RLIM: variants seen among roughly 807,000 people sequenced by gnomAD.
The protein encoded by RLIM is E3 ubiquitin-protein ligase RLIM.
A neutral mutation model predicts 34.0 loss-of-function variants in RLIM; 2 were observed. The observed-to-expected ratio is 0.06, with a 90% CI of 0.02 to 0.19. RLIM has a LOEUF of 0.19. Ranked by LOEUF, RLIM falls within the 10% of genes least tolerant of loss-of-function variation. The pLI, the probability that RLIM is intolerant of heterozygous loss-of-function variation, is 1.00. For missense variants in RLIM, 286 were observed against 479.7 expected (o/e 0.60, Z 3.77); for synonymous variants, 169 against 164.0 (o/e 1.03, Z -0.23).
In RLIM at chrX:74,585,679, G is replaced by T. The variant is rs1931331982; in HGVS notation, c.*5761C>A. 8.9e-6 allele frequency: 1 copy of T among 112,144 alleles called. No individual in the cohort carries two copies. Among genetic ancestry groups the T allele is most frequent in the Admixed American group, 9.5e-5 (1 of 10,531 alleles). The allele number at this position is 112,144 out of a possible 1,213,427, so 9.2% of individuals were successfully genotyped here. On this transcript the variant is annotated 3_prime_UTR_variant, in exon 4 of 4. Coordinates refer to ENST00000332687, the MANE Select transcript of RLIM (RefSeq NM_016120.4). The stretch of plus-strand genomic sequence containing the variant: ...AGCAGTTGTAAAGCACTGTACAAAA[G>T]AAAACTGTGTACATTCTCAAAATTT...
intron 3 of RLIM, among the ~76,000 whole-genome samples, chrX:74,593,917 A>G (rs1002969799): frequency 2.7e-5 from 3 of 112,576 alleles, no homozygotes; most frequent in Admixed American, 1.9e-4. Context: ...AGACGTTGCT[A>G]ATGTCCCACA....
intron 1 of RLIM, among the ~76,000 whole-genome samples, chrX:74,602,973 T>C (rs2079667479): frequency 9.4e-6 from 1 of 106,721 alleles, no homozygotes; most frequent in Non-Finnish European, 1.9e-5. Flanking sequence ...TAAAACAATC[T>C]AACAAAATTG....
intron 1 of RLIM, among the ~76,000 whole-genome samples, chrX:74,596,652 T>C (rs2079641416): frequency 8.9e-6 from 1 of 112,209 alleles, no homozygotes; most frequent in Admixed American, 9.5e-5. Flanking sequence ...GTTCATAAAG[T>C]TTTATTGGAA....
In RLIM at chrX:74,590,686, A is replaced by G. The variant is rs2079608995; in HGVS notation, c.*754T>C. On this transcript the variant is annotated 3_prime_UTR_variant, in exon 4 of 4. Transcript: ENST00000332687. ...TCAGTTCTAAGCATGGTACTTTACAATTTTTAATGCATTCATACAACAGTG... is the reference window on the plus strand; with the variant it reads ...TCAGTTCTAAGCATGGTACTTTACAGTTTTTAATGCATTCATACAACAGTG... 1 of 112,972 alleles carries G rather than the reference A, an allele frequency of 8.9e-6. No individual in the cohort carries two copies. Among genetic ancestry groups the G allele is most frequent in the South Asian group, 3.6e-4 (1 of 2,797 alleles). 9.3% of individuals were successfully genotyped at this position (112,972 alleles called of 1,213,427 possible). A position where few individuals can be genotyped will look rare whatever the true frequency, so the allele number is the denominator to read the frequency against.
rs1277091726 is a variant in RLIM, at chrX:74,583,211, C to T, written c.*8229G>A. Reference sequence around the variant, plus strand: ...AATGGAGTGACTCTGGAGACTTGAGCATATGAAGAAGTTCTGAATTATCAA... The same window carrying T: ...AATGGAGTGACTCTGGAGACTTGAGTATATGAAGAAGTTCTGAATTATCAA... On this transcript the variant is annotated 3_prime_UTR_variant, in exon 4 of 4. Transcript: ENST00000332687. 2 of 1,068,698 alleles carry T rather than the reference C, an allele frequency of 1.9e-6. No individual in the cohort carries two copies. Among genetic ancestry groups the T allele is most frequent in the Non-Finnish European group, 2.6e-6 (2 of 764,497 alleles). 88.1% of individuals were successfully genotyped at this position (1,068,698 alleles called of 1,213,427 possible). A position where few individuals can be genotyped will look rare whatever the true frequency, so the allele number is the denominator to read the frequency against.
rs1468705783 is a variant in RLIM, at chrX:74,586,804, ATAAG to A, written c.*4632_*4635del. On this transcript the variant is annotated 3_prime_UTR_variant, in exon 4 of 4. Transcript: ENST00000332687. ...GTTGATTAAAAAATCTGATTTAAAA[ATAAG>A]TAAGGCTGGGCGCAGTGGCTCACGC... is the stretch of plus-strand genomic sequence containing the variant. 1 of 113,050 alleles carries A rather than the reference ATAAG, an allele frequency of 8.8e-6. No individual in the cohort carries two copies. Among genetic ancestry groups the A allele is most frequent in the African/African-American group, 3.2e-5 (1 of 31,150 alleles). The allele number at this position is 113,050 out of a possible 1,213,427, so 9.3% of individuals were successfully genotyped here. A position where few individuals can be genotyped will look rare whatever the true frequency, so the allele number is the denominator to read the frequency against.
At position 74,586,032 on chromosome X, in the gene RLIM, G is replaced by A. The variant is rs1335783491; in HGVS notation, c.*5408C>T. The A allele has an allele frequency of 8.9e-6, 1 of 111,774 alleles. No individual in the cohort carries two copies. Among genetic ancestry groups the A allele is most frequent in the Non-Finnish European group, 1.9e-5 (1 of 53,250 alleles). The allele number at this position is 111,774 out of a possible 1,213,427, so 9.2% of individuals were successfully genotyped here. A position where few individuals can be genotyped will look rare whatever the true frequency, so the allele number is the denominator to read the frequency against. ...AAGATTGCTGCCCTGTTCTTTGTAT[G>A]AATCCAAGTAAACAACTATACCAAA... On this transcript the variant is annotated 3_prime_UTR_variant, in exon 4 of 4. Transcript: ENST00000332687.
In RLIM at chrX:74,583,349, C is replaced by T. The variant is rs1931260570; in HGVS notation, c.*8091G>A. 3 of 854,499 alleles carry T rather than the reference C, an allele frequency of 3.5e-6. No individual in the cohort carries two copies. The highest frequency in any genetic ancestry group is 3.5e-6 in the Non-Finnish European group (2 of 568,263). 70.4% of individuals were successfully genotyped at this position (854,499 alleles called of 1,213,427 possible). On this transcript the variant is annotated 3_prime_UTR_variant, in exon 4 of 4. Coordinates refer to ENST00000332687, the MANE Select transcript of RLIM (RefSeq NM_016120.4). ...TTTGCTCTTGAGGGGCAGATGCCAA[C>T]ATGGAAACAGTCAAAGGTTCCTGAC... is the stretch of plus-strand genomic sequence containing the variant.
rs751761965 is a variant in RLIM at position 74,594,329 on chromosome X, G to A, written c.230C>T (p.Pro77Leu). The change falls in exon 3 of 4, where the codon CCG (proline) becomes CTG (leucine). Residue 77 changes from proline (P) to leucine (L), a missense_variant. By Grantham distance (98) the Pro-to-Leu change is moderately conservative. Transcript: ENST00000332687. ...RLQQIKEGPP[P>L]QNSDENRGGD... ...ACCTCTATTTTCATCTGAGTTTTGCGGTGGTGGGCCTTCTTTAATTTGCTG... is the reference window on the plus strand; with the variant it reads ...ACCTCTATTTTCATCTGAGTTTTGCAGTGGTGGGCCTTCTTTAATTTGCTG... The A allele has an allele frequency of 1.1e-5, 13 of 1,206,046 alleles. No individual in the cohort carries two copies. In the Admixed American group the frequency reaches 2.2e-4, roughly 21 times the overall value.
At chrX:74,596,514 TG>T (rs1035540060) in intron 1 of RLIM, among the ~76,000 whole-genome samples, 3 of 112,398 alleles carry the variant, frequency 2.7e-5, no homozygotes, top group Non-Finnish European at 5.6e-5. Flanking sequence ...CCCAAAGTGC[TG>T]GGATTACAGG....
chrX:74,590,511 C>A lies in RLIM; in HGVS notation c.*929G>T. ...TGGTCTTCAACACGGTTTAATTCTG[C>A]ACTGTCCTTTCCTTTGCATGTCACA... On this transcript the variant is annotated 3_prime_UTR_variant, in exon 4 of 4. Coordinates refer to ENST00000332687, the MANE Select transcript of RLIM (RefSeq NM_016120.4). 8.9e-6 allele frequency: 1 copy of A among 112,593 alleles called. No homozygotes were observed. Among genetic ancestry groups the A allele is most frequent in the Non-Finnish European group, 1.9e-5 (1 of 53,262 alleles). 9.3% of individuals were successfully genotyped at this position (112,593 alleles called of 1,213,427 possible).
intron 1 of RLIM, among the ~76,000 whole-genome samples, chrX:74,600,555 T>C (rs1602166085): frequency 8.9e-6 from 1 of 111,737 alleles, no homozygotes; most frequent in East Asian, 2.8e-4. Flanking sequence ...GATAGGTAAA[T>C]TGTTCTGAAA....
At chrX:74,595,712 A>AT in intron 2 of RLIM, 97 bp downstream of exon 2, 2 of 584,707 alleles carry the variant, frequency 3.4e-6, no homozygotes, top group Non-Finnish European at 5.2e-6. Context: ...ATAATATTTC[A>AT]TAAGGGCTAA....
intron 1 of RLIM, chrX:74,612,477 C>G (rs2079715810): frequency 9.0e-6 from 1 of 111,405 alleles, no homozygotes; most frequent in African/African-American, 3.3e-5. Flanking sequence ...TAACATCTAT[C>G]AATGAGCCCA....
rs1047928321 is a variant in RLIM, at chrX:74,586,106, C to T, written c.*5334G>A. 2 of 111,945 alleles carry T rather than the reference C, an allele frequency of 1.8e-5. No homozygotes were observed. Among genetic ancestry groups the T allele is most frequent in the African/African-American group, 6.5e-5 (2 of 30,728 alleles). 9.2% of individuals were successfully genotyped at this position (111,945 alleles called of 1,213,427 possible). ...AAACAGGCACAGATACATCACCAGGCCAACTGCGTACCTACTCAACTTGAT... is the reference window on the plus strand; with the variant it reads ...AAACAGGCACAGATACATCACCAGGTCAACTGCGTACCTACTCAACTTGAT... On this transcript the variant is annotated 3_prime_UTR_variant, in exon 4 of 4. Coordinates refer to ENST00000332687, the MANE Select transcript of RLIM (RefSeq NM_016120.4).
chrX:74,592,399 T>C lies in RLIM; in HGVS notation c.916A>G (p.Ser306Gly), dbSNP rs1390314790. 5.8e-6 allele frequency: 7 copies of C among 1,209,906 alleles called. No individual in the cohort carries two copies. The highest frequency in any genetic ancestry group is 7.8e-6 in the Non-Finnish European group (7 of 895,253). ...QGAGSSDTAA[S>G]GESTGSGQRP... is the part of the protein sequence containing the mutation. ...TGTCCTGATCCTGTAGATTCACCAC[T>C]GGCAGCTGTGTCTGAAGAACCTGCT... The change falls in exon 4 of 4, where the codon AGT becomes GGT. Residue 306 changes from serine (S) to glycine (G), a missense_variant. Ser to Gly is a moderately conservative substitution (Grantham distance 56). Around this residue, in one of 6 missense-constraint regions of RLIM, gnomAD observed 121 missense variants for 182.4 expected, o/e 0.66. Coordinates refer to ENST00000332687, the MANE Select transcript of RLIM (RefSeq NM_016120.4).
chrX:74,612,700 G>A (rs905101638), intron 1 of RLIM: 7 of 109,576 alleles, frequency 6.4e-5, no homozygotes, highest in African/African-American at 1.7e-4. Flanking sequence ...CATTTTCTTT[G>A]AATTAGACAC....
intron 2 of RLIM, among the ~76,000 whole-genome samples, chrX:74,595,030 C>A (rs1162028607): frequency 9.0e-6 from 1 of 110,848 alleles, no homozygotes; most frequent in Non-Finnish European, 1.9e-5. Context: ...CAACATGAGA[C>A]CCTGTCTCAA....
In RLIM at chrX:74,583,678, G is replaced by A. The variant is rs1931275030; in HGVS notation, c.*7762C>T. On this transcript the variant is annotated 3_prime_UTR_variant, in exon 4 of 4. Coordinates refer to ENST00000332687, the MANE Select transcript of RLIM (RefSeq NM_016120.4). ...AGTTCATGTTATTCATAGTGCTAAG[G>A]TGTATCTGGTAATGCCCAGTGCTTT... 2.7e-6 allele frequency: 1 copy of A among 374,146 alleles called. No individual in the cohort carries two copies. Among genetic ancestry groups the A allele is most frequent in the South Asian group, 4.0e-5 (1 of 25,136 alleles). 30.8% of individuals were successfully genotyped at this position (374,146 alleles called of 1,213,427 possible). A position where few individuals can be genotyped will look rare whatever the true frequency, so the allele number is the denominator to read the frequency against.
Sources: allele counts gnomAD v4.1 joint callset (sites outside exome capture counted in the v4.1 genomes callset), GRCh38; gene constraint gnomAD v4.1.1; regional missense constraint gnomAD v4.1.1; transcripts MANE v1.5; gene names NCBI Gene and HGNC (gene_info 2026-07-23, HGNC 2026-07-21).